ABCB5: variants seen among roughly 807,000 people sequenced by gnomAD.
ABCB5 encodes ATP binding cassette subfamily B member 5, also known as ATP-binding cassette sub-family B member 5.
A neutral mutation model predicts 144.2 loss-of-function variants in ABCB5; 155 were observed. That is an observed-to-expected ratio of 1.08 (90% CI 0.94 to 1.23). The LOEUF (loss-of-function observed/expected upper bound fraction) is 1.23. ABCB5 is among the 50% of genes most tolerant of loss of function. The pLI, the probability that ABCB5 is intolerant of heterozygous loss-of-function variation, is 0.00. For synonymous variants in ABCB5, 610 were observed against 528.6 expected (o/e 1.15, Z -2.11); for missense variants, 1,830 against 1,520.8 (o/e 1.20, Z -3.38).
At chr7:20,644,081 T>A (rs575390300) in intron 7 of ABCB5, among the ~76,000 whole-genome samples, 17 of 148,014 alleles carry the variant, frequency 1.1e-4, no homozygotes, top group African/African-American at 4.2e-4. Context: ...TTTATGTATA[T>A]ATGTAAAGTT....
chr7:20,667,137 T>C, intron 14 of ABCB5: 1 of 832,242 alleles, frequency 1.2e-6, no homozygotes, highest in East Asian at 1.1e-4. Context: ...CCTTTTAAGT[T>C]ATTAGATATT....
chr7:20,708,473 T>C (rs1408466789), intron 20 of ABCB5, among the ~76,000 whole-genome samples: 1 of 152,154 alleles, frequency 6.6e-6, no homozygotes, highest in African/African-American at 2.4e-5. Context: ...TACTGCACTG[T>C]AGCCTGGGTG....
chr7:20,731,369 AAT>A (rs1554289437), intron 23 of ABCB5, among the ~76,000 whole-genome samples: 3 of 123,072 alleles, frequency 2.4e-5, no homozygotes, highest in Non-Finnish European at 4.8e-5. Context: ...AAAAAAAAAA[AAT>A]ATATATATAT....
chr7:20,691,738 CCTAA>C (rs1310551300), intron 16 of ABCB5, among the ~76,000 whole-genome samples: 1 of 151,964 alleles, frequency 6.6e-6, no homozygotes, highest in Non-Finnish European at 1.5e-5. Context: ...CTGCACTAAA[CCTAA>C]CTAACAAATC....
intron 16 of ABCB5, among the ~76,000 whole-genome samples, chr7:20,692,374 A>C (rs1786258673): frequency 6.6e-6 from 1 of 151,996 alleles, no homozygotes; most frequent in Non-Finnish European, 1.5e-5. Context: ...CTCAAATCAG[A>C]ATGCTATTTA....
At chr7:20,681,031 T>TC in intron 14 of ABCB5, among the ~76,000 whole-genome samples, 1 of 79,908 alleles carries the variant, frequency 1.3e-5, no homozygotes, top group African/African-American at 8.0e-5. Context: ...TCTTTCTTTC[T>TC]TTCTCTTTCT....
intron 16 of ABCB5, among the ~76,000 whole-genome samples, chr7:20,692,247 T>C (rs557769768): frequency 5.3e-5 from 8 of 151,792 alleles, no homozygotes; most frequent in Admixed American, 1.3e-4. Context: ...TCCAGAGAAA[T>C]TGACACAATA....
intron 26 of ABCB5, among the ~76,000 whole-genome samples, chr7:20,745,884 C>T (rs1288628945): frequency 2.0e-5 from 3 of 152,184 alleles, no homozygotes; most frequent in Admixed American, 6.5e-5. Flanking sequence ...TAGAATAAAG[C>T]CCACACACCC....
intron 16 of ABCB5, among the ~76,000 whole-genome samples, chr7:20,694,751 T>C (rs1404400404): frequency 2.0e-5 from 3 of 152,004 alleles, no homozygotes; most frequent in Admixed American, 6.6e-5. Flanking sequence ...AGCAAGGTTG[T>C]AGAATATGTG....
chr7:20,698,665 C>T, intron 17 of ABCB5, 115 bp downstream of exon 17: 1 of 975,762 alleles, frequency 1.0e-6, no homozygotes. Context: ...TAGTGGGCCG[C>T]CCCTAGTGTG....
rs567416267 is a variant in ABCB5, at chr7:20,711,779, T to C, written c.2421+6972T>C. 5.4e-4 allele frequency among the ~76,000 whole-genome samples: 4 copies of C among 7,476 alleles called. 1 individual carries two copies. The highest frequency in any genetic ancestry group is 0.056 in the East Asian group (1 of 18). The allele number at this position is 7,476 out of a possible 152,430, so 4.9% of individuals were successfully genotyped here. ...CAGCCTGCCTGCCTTTCCTTCTTTC[T>C]CTTTCTTTCTTTCTTTCTTTCTTTC... On this transcript the variant is annotated intron_variant, in intron 20 of 27. Coordinates refer to ENST00000404938, the MANE Select transcript of ABCB5 (RefSeq NM_001163941.2).
At chr7:20,744,030 T>C (rs1179792609) in intron 25 of ABCB5, among the ~76,000 whole-genome samples, 1 of 151,964 alleles carries the variant, frequency 6.6e-6, no homozygotes, top group Non-Finnish European at 1.5e-5. Context: ...GCACTGTGCT[T>C]TTTCTGTTTT....
rs1449003253 is a variant in ABCB5 at position 20,651,484 on chromosome 7, T to C, written c.1397T>C (p.Val466Ala). 3 of 1,613,628 alleles carry C rather than the reference T, an allele frequency of 1.9e-6. No individual in the cohort carries two copies. The highest frequency in any genetic ancestry group is 2.5e-6 in the Non-Finnish European group (3 of 1,179,936). Residue 466 changes from valine (V) to alanine (A), a missense_variant, in exon 13 of 28, where the codon GTG (valine) becomes GCG (alanine). Val to Ala is a moderately conservative substitution (Grantham distance 64). Coordinates refer to ENST00000404938, the MANE Select transcript of ABCB5 (RefSeq NM_001163941.2). ...NVRHYRDHIGVVSQEPVLFGT... is the reference protein window; with the variant it reads ...NVRHYRDHIGAVSQEPVLFGT... ...CGGCATTATCGAGACCATATTGGAG[T>C]GGTTAGTCAAGAGCCTGTTTTGTTC...
At position 20,648,151 on chromosome 7, in the gene ABCB5, A is replaced by G. The variant is rs943198846; in HGVS notation, c.1206+73A>G. The G allele has an allele frequency of 2.3e-5, 21 of 924,510 alleles. No homozygotes were observed. The East Asian group carries it at 4.6e-4, about 20-fold the overall frequency. 57.3% of individuals were successfully genotyped at this position (924,510 alleles called of 1,614,324 possible). A position where few individuals can be genotyped will look rare whatever the true frequency, so the allele number is the denominator to read the frequency against. On this transcript the variant is annotated intron_variant, in intron 11 of 27. Coordinates refer to ENST00000404938, the MANE Select transcript of ABCB5 (RefSeq NM_001163941.2). Reference sequence around the variant, plus strand: ...TCTACTGGCCAAGATCTTCTCTGACATGATTACTTAGGATCACTTTTTTCC... The same window carrying G: ...TCTACTGGCCAAGATCTTCTCTGACGTGATTACTTAGGATCACTTTTTTCC...
chr7:20,697,196 A>C (rs939151725), intron 16 of ABCB5, among the ~76,000 whole-genome samples: 1 of 152,238 alleles, frequency 6.6e-6, no homozygotes, highest in African/African-American at 2.4e-5. Context: ...AAGTAATCCA[A>C]TATAAATGTG....
intron 19 of ABCB5, among the ~76,000 whole-genome samples, chr7:20,701,918 G>A (rs1419883644): frequency 6.6e-6 from 1 of 152,108 alleles, no homozygotes; most frequent in Non-Finnish European, 1.5e-5. Flanking sequence ...TCACAGTTTT[G>A]CTTTGTCTAT....
Position 20,646,116 on chromosome 7 carries a change from A to G in ABCB5, c.959A>G (p.Tyr320Cys), listed in dbSNP as rs1562535843. Residue 320 changes from tyrosine (Y) to cysteine (C), a missense_variant, in exon 9 of 28, where the codon TAT becomes TGT. Physicochemically the swap from Tyr to Cys is radical, Grantham distance 194 (BLOSUM62 -2). Coordinates refer to ENST00000404938, the MANE Select transcript of ABCB5 (RefSeq NM_001163941.2). ...TSLILNGEPG[Y>C]TIGTVLAVFF... ...TTGATTCTTAATGGAGAACCTGGAT[A>G]TACCATCGGGACTGTTCTTGCTGTA... 1 of 1,613,580 alleles carries G rather than the reference A, an allele frequency of 6.2e-7. No individual in the cohort carries two copies. The highest frequency in any genetic ancestry group is 1.7e-5 in the Admixed American group (1 of 59,972).
intron 2 of ABCB5, 110 bp downstream of exon 2, chr7:20,623,448 C>T (rs1288423684): frequency 2.9e-5 from 25 of 849,968 alleles, no homozygotes; most frequent in Non-Finnish European, 4.3e-5. Flanking sequence ...AATAGCAACA[C>T]TATTTGCATT....
chr7:20,711,778 C>CACTTTCTTTCTTTCTTTCTTTCTT, intron 20 of ABCB5, among the ~76,000 whole-genome samples: 1 of 47,146 alleles, frequency 2.1e-5, no homozygotes, highest in South Asian at 8.7e-4. Flanking sequence ...TTCCTTCTTT[C>CACTTTCTTTCTTTCTTTCTTTCTT]TCTTTCTTTC....
Sources: gnomAD v4.1 joint callset for allele counts (sites outside exome capture counted in the v4.1 genomes callset) on GRCh38, gnomAD v4.1.1 for gene constraint, MANE v1.5 for transcripts, NCBI Gene and HGNC (gene_info 2026-07-23, HGNC 2026-07-21) for gene names.